TSLP: variants seen among roughly 807,000 people sequenced by gnomAD.
TSLP encodes thymic stromal lymphopoietin.
A neutral mutation model predicts 12.4 loss-of-function variants in TSLP; 12 were observed. The ratio of observed to expected loss-of-function variants is 0.97; its 90% CI spans 0.62 to 1.57. The LOEUF (loss-of-function observed/expected upper bound fraction) is 1.57. Ranked by LOEUF, TSLP falls within the 40% of genes most tolerant of loss-of-function variation. The pLI is 0.00. For missense variants in TSLP, 222 were observed against 189.6 expected (o/e 1.17, Z -1.00); for synonymous variants, 97 against 69.5 (o/e 1.40, Z -1.97).
At chr5:111,070,211 G>A (rs1752308798), upstream of TSLP, 2 of 152,502 alleles carry the variant, frequency 1.3e-5, no homozygotes, top group South Asian at 2.1e-4. Context: ...CTTCTATGAA[G>A]AAGAGTTCAA....
intron 2 of TSLP, 147 bp downstream of exon 2, chr5:111,073,079 G>C: frequency 2.0e-6 from 2 of 1,017,694 alleles, no homozygotes; most frequent in Non-Finnish European, 2.9e-6. Context: ...TGGGCTGTCA[G>C]AGCGGGGCTG....
intron 3 of TSLP, among the ~76,000 whole-genome samples, chr5:111,075,511 T>C (rs1189634395): frequency 6.6e-6 from 1 of 152,214 alleles, no homozygotes; most frequent in Non-Finnish European, 1.5e-5. Flanking sequence ...TGTGATCTTG[T>C]CAGGGAGGTC....
intron 2 of TSLP, 189 bp from the exon 3 acceptor site, chr5:111,073,322 C>G: frequency 7.0e-7 from 1 of 1,435,936 alleles, no homozygotes; most frequent in South Asian, 1.5e-5. Context: ...CCACCCTCGC[C>G]ACGCCCCTGC....
chr5:111,073,342 GT>G, intron 2 of TSLP, 168 bp from the exon 3 acceptor site: 2 of 1,460,366 alleles, frequency 1.4e-6, no homozygotes, highest in Non-Finnish European at 1.8e-6. Context: ...CTCCCCCGCG[GT>G]TGGTTCTTCC....
Position 111,072,938 on chromosome 5 carries a change from TAG to T in TSLP, c.216+11_216+12del, listed in dbSNP as rs1561690838. 2 of 1,613,800 alleles carry T rather than the reference TAG, an allele frequency of 1.2e-6. No homozygotes were observed. The highest frequency in any genetic ancestry group is 1.3e-5 in the African/African-American group (1 of 74,850). On this transcript the variant is annotated splice_region_variant and intron_variant, in intron 2 of 3. Transcript: ENST00000344895. ...CCGTCTCTTGTAGCAATCGGGTGAG[TAG>T]AGAGTTCAGTGCTGCTGGCTTTCTC...
chr5:111,075,287 C>T (rs1004827776), intron 3 of TSLP, among the ~76,000 whole-genome samples: 5 of 151,992 alleles, frequency 3.3e-5, no homozygotes, highest in Admixed American at 2.6e-4. Context: ...GTCTAGGAGG[C>T]CCAGTGTACT....
intron 2 of TSLP, chr5:111,073,310 C>CG (rs1752394975): frequency 7.0e-7 from 1 of 1,426,836 alleles, no homozygotes; most frequent in African/African-American, 1.4e-5. Flanking sequence ...GAGTGCCCTC[C>CG]GCCACCCTCG....
chr5:111,076,210 CTTTT>C lies in TSLP; in HGVS notation c.*137_*140del. ...AATTACAGAAGAGTTTCTTAACTTA[CTTTT>C]GTAAGTTTTTATTGTGTAAGTTTAT... On this transcript the variant is annotated 3_prime_UTR_variant, in exon 4 of 4. Transcript: ENST00000344895. The C allele has an allele frequency of 9.3e-7, 1 of 1,070,780 alleles. No individual in the cohort carries two copies. The highest frequency in any genetic ancestry group is 1.4e-6 in the Non-Finnish European group (1 of 734,376). 66.3% of individuals were successfully genotyped at this position (1,070,780 alleles called of 1,614,324 possible). A position where few individuals can be genotyped will look rare whatever the true frequency, so the allele number is the denominator to read the frequency against.
chr5:111,072,123 C>A, intron 1 of TSLP, 62 bp downstream of exon 1: 1 of 1,357,916 alleles, frequency 7.4e-7, no homozygotes, highest in Non-Finnish European at 1.0e-6. Flanking sequence ...CATACACACA[C>A]TCTACAATTT....
rs1752500049 is a variant in TSLP, at chr5:111,076,119, T to C, written c.*45T>C. On this transcript the variant is annotated 3_prime_UTR_variant, in exon 4 of 4. Coordinates refer to ENST00000344895, the MANE Select transcript of TSLP (RefSeq NM_033035.5). ...TATTTCACAGCACCAAAATAAATCA[T>C]CTTTATTAAGTAGATGAAACATTAA... 4 of 1,601,296 alleles carry C rather than the reference T, an allele frequency of 2.5e-6. No individual in the cohort carries two copies. The highest frequency in any genetic ancestry group is 3.4e-6 in the Non-Finnish European group (4 of 1,170,800).
chr5:111,074,627 C>CTTT lies in TSLP; in HGVS notation c.351+1001_351+1003dup, dbSNP rs35180980. Among the ~76,000 whole-genome samples the CTTT allele has an allele frequency of 1.7e-3, 186 of 110,276 alleles. 7 individuals carry two copies. Among genetic ancestry groups the CTTT allele is most frequent in the Middle Eastern group, 5.1e-3 (1 of 198 alleles). 72.3% of individuals were successfully genotyped at this position (110,276 alleles called of 152,430 possible). A position where few individuals can be genotyped will look rare whatever the true frequency, so the allele number is the denominator to read the frequency against. On this transcript the variant is annotated intron_variant, in intron 3 of 3. Transcript: ENST00000344895. ...TCTAGGTAGATGGACACGACTGTCA[C>CTTT]TTTTTTTTTTTTTTTTTTTTTGAGA...
rs561979411 is a variant in TSLP at position 111,073,701 on chromosome 5, T to C, written c.351+56T>C. The C allele has an allele frequency of 5.0e-5, 78 of 1,544,780 alleles. No homozygotes were observed. The Admixed American group carries it at 8.1e-4, about 16-fold the overall frequency. On this transcript the variant is annotated intron_variant, in intron 3 of 3. Coordinates refer to ENST00000344895, the MANE Select transcript of TSLP (RefSeq NM_033035.5). ...CCTTGGGGCTAACCTCAAATTAAAC[T>C]GGGGCTTTGGTGCAGAAGTCGTTCT...
chr5:111,074,762 G>A (rs1055757949), intron 3 of TSLP, among the ~76,000 whole-genome samples: 5 of 151,368 alleles, frequency 3.3e-5, no homozygotes, highest in East Asian at 1.9e-4. Context: ...TGGAACTACA[G>A]GTGCCCGCCA....
In TSLP at chr5:111,073,554, C is replaced by T. The variant is rs1241477430; in HGVS notation, c.260C>T (p.Thr87Ile). Residue 87 changes from threonine (T) to isoleucine (I), a missense_variant, in exon 3 of 4, where the codon ACC (threonine) becomes ATC (isoleucine). By Grantham distance (89) the Thr-to-Ile change is moderately conservative (BLOSUM62 -1). Transcript: ENST00000344895. ...TEIQSLTFNP[T>I]AGCASLAKEM... ...ATCCAGAGCCTAACCTTCAATCCCA[C>T]CGCCGGCTGCGCGTCGCTCGCCAAA... 6.2e-7 allele frequency: 1 copy of T among 1,614,086 alleles called. No individual in the cohort carries two copies. Among genetic ancestry groups the T allele is most frequent in the African/African-American group, 1.3e-5 (1 of 74,928 alleles).
In TSLP at chr5:111,071,812, A is replaced by G. The variant is rs184011256; in HGVS notation, c.-79A>G. 1.9e-5 allele frequency: 29 copies of G among 1,533,864 alleles called. No homozygotes were observed. In the Admixed American group the frequency reaches 3.8e-4, roughly 20 times the overall value. On this transcript the variant is annotated 5_prime_UTR_variant, in exon 1 of 4. It removes the in-frame stop codon of an upstream open reading frame in the 5' UTR. Coordinates refer to ENST00000344895, the MANE Select transcript of TSLP (RefSeq NM_033035.5). ...ACCTGGTGCTTGAGCACTGGCCCCT[A>G]AGGCAGGCCTTACAGATCTCTTACA...
chr5:111,071,669 T>A, upstream of TSLP: 1 of 1,343,736 alleles, frequency 7.4e-7, no homozygotes, highest in Non-Finnish European at 1.0e-6. Flanking sequence ...AAAGAGCCCG[T>A]AGGCGTTTAG....
chr5:111,074,351 T>C (rs1322337721), intron 3 of TSLP, among the ~76,000 whole-genome samples: 3 of 152,236 alleles, frequency 2.0e-5, no homozygotes, highest in African/African-American at 2.4e-5. Flanking sequence ...AGCCTCCGTG[T>C]ACTGTAGCTT....
At position 111,071,822 on chromosome 5, in the gene TSLP, T is replaced by G. The variant is rs1407171511; in HGVS notation, c.-69T>G. The G allele has an allele frequency of 6.4e-6, 10 of 1,563,928 alleles. No individual in the cohort carries two copies. Among genetic ancestry groups the G allele is most frequent in the Non-Finnish European group, 7.0e-6 (8 of 1,148,028 alleles). On this transcript the variant is annotated 5_prime_UTR_variant, in exon 1 of 4. Coordinates refer to ENST00000344895, the MANE Select transcript of TSLP (RefSeq NM_033035.5). The stretch of plus-strand genomic sequence containing the variant: ...TGAGCACTGGCCCCTAAGGCAGGCC[T>G]TACAGATCTCTTACACTCGTGGTGG...
chr5:111,071,696 C>A, upstream of TSLP: 1 of 1,232,206 alleles, frequency 8.1e-7, no homozygotes, highest in Non-Finnish European at 1.1e-6. Context: ...TATAGTGCAG[C>A]CAGAAAGCTC....
Sources: gnomAD v4.1 joint callset for allele counts (sites outside exome capture counted in the v4.1 genomes callset) on GRCh38, gnomAD v4.1.1 for gene constraint, MANE v1.5 for transcripts, NCBI Gene and HGNC (gene_info 2026-07-23, HGNC 2026-07-21) for gene names.